The following LINGO2 variants were observed in gnomAD, a reference collection of about 807,000 sequenced individuals.
LINGO2 encodes the protein leucine-rich repeat and immunoglobulin-like domain-containing nogo receptor-interacting protein 2.
LINGO2 carries 14 observed loss-of-function variants against 30.6 expected under a neutral mutation model. The observed-to-expected ratio is 0.46, with a 90% CI of 0.30 to 0.72. The LOEUF is 0.72. LINGO2 is among the 30% of genes least tolerant of loss of function. LINGO2 has a pLI of 0.07. For missense variants in LINGO2, 729 were observed against 751.7 expected (o/e 0.97, Z 0.35); for synonymous variants, 317 against 288.5 (o/e 1.10, Z -1.00).
intron 3 of LINGO2, among the ~76,000 whole-genome samples, chr9:28,296,971 A>C (rs1052003937): frequency 1.3e-5 from 2 of 152,196 alleles, no homozygotes; most frequent in Non-Finnish European, 2.9e-5. Flanking sequence ...TTTATAAAAC[A>C]AACCTGTTTT....
At chr9:28,534,412 A>T (rs1418342758) in intron 1 of LINGO2, among the ~76,000 whole-genome samples, 1 of 152,172 alleles carries the variant, frequency 6.6e-6, no homozygotes, top group Non-Finnish European at 1.5e-5. Context: ...CTGAAAACAC[A>T]TTGGGGTCAT....
chr9:29,109,588 A>G, the LINGO2 span, among the ~76,000 whole-genome samples: 2 of 152,196 alleles, frequency 1.3e-5, no homozygotes, highest in Non-Finnish European at 2.9e-5. Flanking sequence ...GAAATTCCAC[A>G]AACAATTCAA....
intron 2 of LINGO2, among the ~76,000 whole-genome samples, chr9:28,393,940 C>T (rs920549627): frequency 9.9e-5 from 15 of 152,160 alleles, no homozygotes; most frequent in Admixed American, 6.5e-4. Flanking sequence ...AGGTGTTCCC[C>T]AGCAGGATTC....
Position 28,148,254 on chromosome 9 carries a change from G to C in LINGO2, c.-86-135849C>G. 1 of 738,702 alleles carries C rather than the reference G, an allele frequency of 1.4e-6. No homozygotes were observed. Among genetic ancestry groups the C allele is most frequent in the African/African-American group, 1.8e-5 (1 of 57,064 alleles). 45.8% of individuals were successfully genotyped at this position (738,702 alleles called of 1,614,324 possible). On this transcript the variant is annotated intron_variant, in intron 4 of 5. Coordinates refer to ENST00000379992, the Ensembl canonical transcript of LINGO2. The surrounding 1 kb of genome is among the most constrained non-coding windows in gnomAD (Gnocchi z 5.1). ...CCTCGGAACATGGGCACCCCACAGA[G>C]GGTCCTGTCTCCTGTGGTCTGGAGC...
intron 4 of LINGO2, among the ~76,000 whole-genome samples, chr9:28,277,833 A>G (rs1166880088): frequency 8.0e-6 from 1 of 125,240 alleles, no homozygotes; most frequent in African/African-American, 3.7e-5. Flanking sequence ...AAAACAAAAC[A>G]AAACAAAAAA....
chr9:28,192,817 A>G (rs1352260445), intron 4 of LINGO2, among the ~76,000 whole-genome samples: 1 of 152,140 alleles, frequency 6.6e-6, no homozygotes, highest in Non-Finnish European at 1.5e-5. Flanking sequence ...AAAATATTTG[A>G]TGTAGGTGTT....
chr9:28,414,420 C>G (rs1014321986), intron 2 of LINGO2, among the ~76,000 whole-genome samples: 1 of 151,852 alleles, frequency 6.6e-6, no homozygotes, highest in Non-Finnish European at 1.5e-5. Flanking sequence ...ACATATTTTC[C>G]CTCACCATGT....
intron 4 of LINGO2, among the ~76,000 whole-genome samples, chr9:28,032,304 C>T (rs1239720163): frequency 5.3e-5 from 8 of 152,116 alleles, no homozygotes; most frequent in Non-Finnish European, 7.4e-5. Context: ...ATTATGAAAG[C>T]GCACACACTG....
At chr9:29,070,136 A>G in the LINGO2 span, among the ~76,000 whole-genome samples, 1 of 151,970 alleles carries the variant, frequency 6.6e-6, no homozygotes, top group Non-Finnish European at 1.5e-5. Flanking sequence ...GTAATATTCA[A>G]AAGAACTCCT....
At chr9:28,608,430 T>G (rs1480891501) in intron 1 of LINGO2, among the ~76,000 whole-genome samples, 1 of 151,998 alleles carries the variant, frequency 6.6e-6, no homozygotes, top group African/African-American at 2.4e-5. Flanking sequence ...CACTTCTCTT[T>G]CTAAAACTGT....
At chr9:29,154,021 A>G in the LINGO2 span, among the ~76,000 whole-genome samples, 1 of 152,234 alleles carries the variant, frequency 6.6e-6, no homozygotes, top group South Asian at 2.1e-4. Flanking sequence ...ATAAGAGCCC[A>G]TGACAAACAA....
At chr9:29,009,790 C>T in the LINGO2 span, among the ~76,000 whole-genome samples, 2 of 152,106 alleles carry the variant, frequency 1.3e-5, no homozygotes, top group Non-Finnish European at 2.9e-5. Flanking sequence ...TACTACAAGG[C>T]TACAGTAATC....
chr9:28,582,559 C>A (rs1459191802), intron 1 of LINGO2, among the ~76,000 whole-genome samples: 2 of 152,080 alleles, frequency 1.3e-5, no homozygotes, highest in Admixed American at 6.6e-5. Flanking sequence ...CTCCGGTGAC[C>A]AGGCTTCTGA....
At chr9:29,064,678 TATG>T in the LINGO2 span, among the ~76,000 whole-genome samples, 1 of 152,016 alleles carries the variant, frequency 6.6e-6, no homozygotes, top group Non-Finnish European at 1.5e-5. Flanking sequence ...TACATACAGT[TATG>T]ATATTATGCT....
At chr9:28,344,740 A>T (rs1819500309) in intron 3 of LINGO2, among the ~76,000 whole-genome samples, 1 of 152,146 alleles carries the variant, frequency 6.6e-6, no homozygotes, top group South Asian at 2.1e-4. Flanking sequence ...GTTTGAACAC[A>T]GATGGTTTCA....
intron 2 of LINGO2, among the ~76,000 whole-genome samples, chr9:28,404,034 C>G (rs1004491258): frequency 6.6e-6 from 1 of 152,024 alleles, no homozygotes; most frequent in Non-Finnish European, 1.5e-5. Flanking sequence ...CACAACCTGA[C>G]CCAATAAGCC....
At chr9:28,629,130 C>T (rs889923826) in intron 1 of LINGO2, among the ~76,000 whole-genome samples, 14 of 152,014 alleles carry the variant, frequency 9.2e-5, no homozygotes, top group African/African-American at 3.4e-4. Flanking sequence ...CCATGAGAAG[C>T]TTCAGGGTTG....
chr9:28,779,406 ACACAGTT>A, the LINGO2 span, among the ~76,000 whole-genome samples: 1 of 152,114 alleles, frequency 6.6e-6, no homozygotes, highest in Non-Finnish European at 1.5e-5. Context: ...TGTTATCTTG[ACACAGTT>A]CAGATTGCAA....
chr9:28,822,765 A>T, the LINGO2 span, among the ~76,000 whole-genome samples: 1 of 152,076 alleles, frequency 6.6e-6, no homozygotes, highest in Admixed American at 6.6e-5. Context: ...CCTTGAGGTT[A>T]TGTGAATGAA....
Sources: gnomAD v4.1 joint callset for allele counts (sites outside exome capture counted in the v4.1 genomes callset) on GRCh38, gnomAD v4.1.1 for gene constraint, Gnocchi (gnomAD v3.1) non-coding constraint, MANE v1.5 for transcripts, NCBI Gene and HGNC (gene_info 2026-07-23, HGNC 2026-07-21) for gene names.